The following WDR27 variants were observed in gnomAD, a reference collection of about 807,000 sequenced individuals.
WDR27 encodes the protein WD repeat domain 27.
Under a neutral mutation model 114.4 loss-of-function variants are expected in WDR27, and 100 were observed. The ratio of observed to expected loss-of-function variants is 0.87; its 90% CI spans 0.74 to 1.03. The LOEUF (loss-of-function observed/expected upper bound fraction) is 1.03. Among genes scored for constraint, WDR27 ranks in the 50% least tolerant of loss-of-function variants. WDR27 has a pLI of 0.00. For synonymous variants in WDR27, 449 were observed against 423.1 expected (o/e 1.06, Z -0.75); for missense variants, 1,129 against 1,092.9 (o/e 1.03, Z -0.47).
the WDR27 span, among the ~76,000 whole-genome samples, chr6:169,448,392 ATGTG>A: frequency 0.024 from 3,231 of 132,012 alleles, 121 homozygotes; most frequent in African/African-American, 0.1. Flanking sequence ...CTCTGTCTCT[ATGTG>A]TGTGTGTGTG....
chr6:169,465,950 A>T (rs1257356707), intron 25 of WDR27, among the ~76,000 whole-genome samples: 2 of 152,184 alleles, frequency 1.3e-5, no homozygotes, highest in Non-Finnish European at 2.9e-5. Flanking sequence ...AGTGGTGGTG[A>T]CTGTAGAATG....
chr6:169,686,214 G>A lies in WDR27; in HGVS notation c.189+2603C>T, dbSNP rs1258721850. Among the ~76,000 whole-genome samples the A allele has an allele frequency of 2.0e-5, 3 of 152,232 alleles. No homozygotes were observed. In the East Asian group the frequency reaches 5.8e-4, roughly 29 times the overall value. ...CAAGGGAGTCTTTTATCCGGAAGGA[G>A]AAGGATGATATCCACCATCATGAAA... is the stretch of plus-strand genomic sequence containing the variant. On this transcript the variant is annotated intron_variant, in intron 2 of 25. Coordinates refer to ENST00000448612, the MANE Select transcript of WDR27 (RefSeq NM_182552.5).
At chr6:169,580,561 C>G (rs1584362987) in intron 24 of WDR27, among the ~76,000 whole-genome samples, 1 of 152,146 alleles carries the variant, frequency 6.6e-6, no homozygotes. Context: ...GCTTCTTTAT[C>G]ATGTTTACTT....
At chr6:169,519,328 A>G (rs1166920690) in intron 25 of WDR27, among the ~76,000 whole-genome samples, 1 of 152,228 alleles carries the variant, frequency 6.6e-6, no homozygotes, top group Non-Finnish European at 1.5e-5. Flanking sequence ...GTATTGCTAA[A>G]AAGAAATACA....
the WDR27 span, among the ~76,000 whole-genome samples, chr6:169,428,030 A>G: frequency 4.6e-5 from 7 of 152,296 alleles, no homozygotes; most frequent in Admixed American, 1.3e-4. Context: ...CATTTTCTGA[A>G]ATGCCAAAGG....
At chr6:169,667,790 C>T (rs1429537881) in intron 5 of WDR27, among the ~76,000 whole-genome samples, 192 bp downstream of exon 5, 1 of 152,240 alleles carries the variant, frequency 6.6e-6, no homozygotes, top group Non-Finnish European at 1.5e-5. Flanking sequence ...CCAAGCCCAG[C>T]CAGCGGCCCC....
At chr6:169,640,422 C>T (rs996891204) in intron 17 of WDR27, among the ~76,000 whole-genome samples, 3 of 152,146 alleles carry the variant, frequency 2.0e-5, no homozygotes, top group African/African-American at 7.2e-5. Context: ...CGCAGAAAAA[C>T]GTGAAATAGC....
intron 25 of WDR27, among the ~76,000 whole-genome samples, chr6:169,521,306 A>G (rs1339173371): frequency 6.6e-6 from 1 of 152,176 alleles, no homozygotes; most frequent in Non-Finnish European, 1.5e-5. Context: ...CTATCTTTCG[A>G]ATATGAAGAA....
chr6:169,664,911 G>A (rs6907003), intron 7 of WDR27: 12,920 of 136,100 alleles, frequency 0.095, 435 homozygotes, highest in Middle Eastern at 0.11. Context: ...GGCAGCGTGC[G>A]GGCACGGGGG....
chr6:169,538,063 T>C (rs1263362661), intron 25 of WDR27, among the ~76,000 whole-genome samples: 1 of 152,080 alleles, frequency 6.6e-6, no homozygotes. Flanking sequence ...TGGAGCAAGA[T>C]AAGCCGTGAG....
downstream of WDR27, among the ~76,000 whole-genome samples, chr6:169,455,494 G>C (rs752688907): frequency 1.3e-5 from 2 of 152,178 alleles, no homozygotes; most frequent in Non-Finnish European, 2.9e-5. Flanking sequence ...ATTATGGATA[G>C]AATAGTACAG....
intron 1 of WDR27, among the ~76,000 whole-genome samples, chr6:169,698,820 G>A (rs1424577636): frequency 2.6e-5 from 4 of 152,238 alleles, no homozygotes; most frequent in African/African-American, 9.6e-5. Flanking sequence ...AGCCTGTGCT[G>A]CTCCCACTAA....
At chr6:169,502,385 G>A (rs574567109) in intron 25 of WDR27, among the ~76,000 whole-genome samples, 12 of 152,308 alleles carry the variant, frequency 7.9e-5, no homozygotes, top group Non-Finnish European at 1.0e-4. Context: ...CCTACTTGAG[G>A]GTCCAGGGCT....
chr6:169,699,821 TA>T (rs1212542345), intron 1 of WDR27, among the ~76,000 whole-genome samples: 66 of 146,480 alleles, frequency 4.5e-4, no homozygotes, highest in South Asian at 6.5e-4. Flanking sequence ...GTCTCTACTT[TA>T]AAAAAAAAAA....
chr6:169,502,257 C>T (rs1791380063), intron 25 of WDR27, among the ~76,000 whole-genome samples: 1 of 152,142 alleles, frequency 6.6e-6, no homozygotes, highest in Admixed American at 6.5e-5. Context: ...CGGGAGACAC[C>T]CAGGCACCTG....
At chr6:169,612,941 T>C (rs1422205767) in intron 22 of WDR27, among the ~76,000 whole-genome samples, 1 of 152,238 alleles carries the variant, frequency 6.6e-6, no homozygotes, top group Non-Finnish European at 1.5e-5. Flanking sequence ...GTTTTATTAT[T>C]GCATTCAACA....
intron 25 of WDR27, among the ~76,000 whole-genome samples, chr6:169,469,877 T>C (rs1786117027): frequency 1.3e-5 from 2 of 152,246 alleles, no homozygotes; most frequent in Admixed American, 1.3e-4. Flanking sequence ...CCATAATCTC[T>C]TTAACAAATG....
chr6:169,514,940 TAGTG>T (rs1793443164), intron 25 of WDR27, among the ~76,000 whole-genome samples: 1 of 150,700 alleles, frequency 6.6e-6, no homozygotes, highest in Middle Eastern at 3.2e-3. Context: ...ACATCAAACT[TAGTG>T]GTGAAATGTT....
In WDR27 at chr6:169,644,508, C is replaced by A. The variant is rs145906258; in HGVS notation, c.1658-722G>T. On this transcript the variant is annotated intron_variant, in intron 16 of 25. Coordinates refer to ENST00000448612, the MANE Select transcript of WDR27 (RefSeq NM_182552.5). ...CACAGGAGTCACACTGTAGAAAAGC[C>A]TAGTTCACAGGAGTCACACTGTGGA... is the stretch of plus-strand genomic sequence containing the variant. 3.3e-3 allele frequency among the ~76,000 whole-genome samples: 461 copies of A among 138,782 alleles called. 2 individuals are homozygous for A. Among genetic ancestry groups the A allele is most frequent in the Non-Finnish European group, 5.7e-3 (334 of 59,052 alleles). 91.0% of individuals were successfully genotyped at this position (138,782 alleles called of 152,430 possible).
Sources: gnomAD v4.1 joint callset for allele counts (sites outside exome capture counted in the v4.1 genomes callset) on GRCh38, gnomAD v4.1.1 for gene constraint, MANE v1.5 for transcripts, NCBI Gene and HGNC (gene_info 2026-07-23, HGNC 2026-07-21) for gene names.